TBC1D22B: variants seen among roughly 807,000 people sequenced by gnomAD.
The protein encoded by TBC1D22B is TBC1 domain family member 22B.
Under a neutral mutation model 69.1 loss-of-function variants are expected in TBC1D22B, and 32 were observed. That is an observed-to-expected ratio of 0.46 (90% CI 0.35 to 0.62). The LOEUF (loss-of-function observed/expected upper bound fraction) is 0.62, where lower values mean the gene tolerates loss of function less well. TBC1D22B is among the 20% of genes least tolerant of loss of function. TBC1D22B has a pLI of 0.00. For synonymous variants in TBC1D22B, 206 were observed against 229.8 expected, an observed-to-expected ratio of 0.90 and a Z score of 0.94; for missense variants, 462 against 630.9, an observed-to-expected ratio of 0.73 and a Z score of 2.87.
intron 2 of TBC1D22B, among the ~76,000 whole-genome samples, chr6:37,278,827 A>G (rs538004913): frequency 5.9e-5 from 9 of 151,996 alleles, no homozygotes; most frequent in East Asian, 1.9e-4. Flanking sequence ...CAGCTACTCA[A>G]GAGGCTGTGG....
chr6:37,314,184 C>G (rs866185942), intron 10 of TBC1D22B, among the ~76,000 whole-genome samples: 4 of 152,350 alleles, frequency 2.6e-5, no homozygotes, highest in African/African-American at 9.6e-5. Flanking sequence ...AGCCACAGCT[C>G]TGGTCCAGCT....
intron 6 of TBC1D22B, among the ~76,000 whole-genome samples, 169 bp from the exon 7 acceptor site, chr6:37,286,838 G>A (rs1767020902): frequency 6.6e-6 from 1 of 152,000 alleles, no homozygotes; most frequent in African/African-American, 2.4e-5. Flanking sequence ...CAGCTACTTG[G>A]GAGGCTGAGG....
chr6:37,258,015 C>T lies in TBC1D22B; in HGVS notation c.56+42C>T, dbSNP rs373692996. ...GAGAGGGATAGGGGATTGGACCAAA[C>T]CCTTCCAGATCCTAATCCCTGAATC... is the stretch of plus-strand genomic sequence containing the variant. On this transcript the variant is annotated intron_variant, in intron 1 of 12. Transcript: ENST00000373491. 44 of 1,604,996 alleles carry T rather than the reference C, an allele frequency of 2.7e-5. No individual in the cohort carries two copies. In the East Asian group the frequency reaches 9.5e-4, roughly 34 times the overall value.
chr6:37,327,196 G>GAAAT (rs1554188092), intron 12 of TBC1D22B, among the ~76,000 whole-genome samples: 41 of 142,596 alleles, frequency 2.9e-4, no homozygotes, highest in Admixed American at 6.3e-4. Flanking sequence ...AGTTGAGATA[G>GAAAT]GGCCGGGCGC....
chr6:37,279,255 G>A, intron 2 of TBC1D22B, 49 bp from the exon 3 acceptor site: 1 of 1,469,678 alleles, frequency 6.8e-7, no homozygotes, highest in Non-Finnish European at 9.2e-7. Context: ...AATGTAGGTG[G>A]TCAGATGTGT....
At chr6:37,289,663 A>G (rs561456882) in intron 7 of TBC1D22B, among the ~76,000 whole-genome samples, 1 of 152,340 alleles carries the variant, frequency 6.6e-6, no homozygotes, top group East Asian at 1.9e-4. Context: ...ACCAACCTGG[A>G]GGAGCTTTTT....
At chr6:37,275,814 G>A (rs938647754) in intron 2 of TBC1D22B, among the ~76,000 whole-genome samples, 1 of 152,116 alleles carries the variant, frequency 6.6e-6, no homozygotes, top group Admixed American at 6.5e-5. Context: ...CCTCTGGAGA[G>A]AGCATAACTA....
At chr6:37,323,444 C>A (rs1768306487) in intron 12 of TBC1D22B, among the ~76,000 whole-genome samples, 1 of 152,098 alleles carries the variant, frequency 6.6e-6, no homozygotes, top group South Asian at 2.1e-4. Context: ...GTGGGAGGAT[C>A]ATCTGAGCCA....
Position 37,264,426 on chromosome 6 carries a change from C to T in TBC1D22B, c.57-5168C>T, listed in dbSNP as rs940753576. Among the ~76,000 whole-genome samples, 129 of 152,276 alleles carry T rather than the reference C, an allele frequency of 8.5e-4. 1 individual carries two copies. Among genetic ancestry groups the T allele is most frequent in the African/African-American group, 2.9e-3 (119 of 41,550 alleles). On this transcript the variant is annotated intron_variant, in intron 1 of 12. Transcript: ENST00000373491. ...CTCCCAGACTCAAGCAATTCTTGTGCCTCAGCGTCCTGAGTAGCTGGGATT... is the reference window on the plus strand; with the variant it reads ...CTCCCAGACTCAAGCAATTCTTGTGTCTCAGCGTCCTGAGTAGCTGGGATT...
At chr6:37,326,757 C>T (rs531023618) in intron 12 of TBC1D22B, among the ~76,000 whole-genome samples, 3 of 151,946 alleles carry the variant, frequency 2.0e-5, no homozygotes, top group African/African-American at 7.3e-5. Flanking sequence ...CACTGCACTC[C>T]AGCCTGGGTG....
chr6:37,311,916 C>T (rs1767923410), intron 8 of TBC1D22B, among the ~76,000 whole-genome samples: 1 of 152,218 alleles, frequency 6.6e-6, no homozygotes, highest in African/African-American at 2.4e-5. Context: ...TACTACTTCA[C>T]CTCTCTGTGA....
intron 12 of TBC1D22B, among the ~76,000 whole-genome samples, chr6:37,324,562 A>G (rs1002871313): frequency 2.0e-5 from 3 of 152,204 alleles, no homozygotes; most frequent in African/African-American, 7.2e-5. Flanking sequence ...AGGCTAACAT[A>G]TGCTTTGGAT....
chr6:37,313,232 G>C (rs1055688729), intron 9 of TBC1D22B, among the ~76,000 whole-genome samples: 2 of 152,218 alleles, frequency 1.3e-5, no homozygotes, highest in Non-Finnish European at 2.9e-5. Context: ...GCTCACGCCT[G>C]TAATCCCAAC....
chr6:37,293,026 C>A (rs1243567147), intron 8 of TBC1D22B, among the ~76,000 whole-genome samples: 1 of 151,814 alleles, frequency 6.6e-6, no homozygotes, highest in Non-Finnish European at 1.5e-5. Context: ...GTCTCTGTGT[C>A]ACATTCTGAT....
chr6:37,330,641 G>T (rs1768557208), intron 12 of TBC1D22B, among the ~76,000 whole-genome samples: 1 of 151,886 alleles, frequency 6.6e-6, no homozygotes. Flanking sequence ...GCGAGATCCT[G>T]TCTCAAAAAA....
intron 1 of TBC1D22B, among the ~76,000 whole-genome samples, chr6:37,268,171 T>C (rs1766365207): frequency 6.6e-6 from 1 of 152,198 alleles, no homozygotes; most frequent in Admixed American, 6.5e-5. Context: ...TTTTTCACTT[T>C]TATACTTAAA....
At chr6:37,279,676 G>A (rs925352073) in intron 3 of TBC1D22B, 65 bp downstream of exon 3, 31 of 1,503,926 alleles carry the variant, frequency 2.1e-5, no homozygotes, top group East Asian at 1.8e-4. Flanking sequence ...AAATAAAAGC[G>A]ATTTTTCTTT....
intron 1 of TBC1D22B, among the ~76,000 whole-genome samples, chr6:37,263,328 T>G (rs1766168149): frequency 6.6e-6 from 1 of 152,214 alleles, no homozygotes; most frequent in East Asian, 1.9e-4. Flanking sequence ...AAAAGTGGAA[T>G]TGGGTGAAAA....
intron 8 of TBC1D22B, among the ~76,000 whole-genome samples, chr6:37,298,059 C>G (rs1340040450): frequency 6.6e-6 from 1 of 152,006 alleles, no homozygotes; most frequent in East Asian, 1.9e-4. Context: ...TTGGGGGGCC[C>G]AGGGGAGAGA....
Sources: gnomAD v4.1 joint callset for allele counts (sites outside exome capture counted in the v4.1 genomes callset) on GRCh38, gnomAD v4.1.1 for gene constraint, MANE v1.5 for transcripts, NCBI Gene and HGNC (gene_info 2026-07-23, HGNC 2026-07-21) for gene names.